DAPK2: variants seen among roughly 807,000 people sequenced by gnomAD.
The protein encoded by DAPK2 is death associated protein kinase 2.
A neutral mutation model predicts 44.1 loss-of-function variants in DAPK2; 35 were observed. That is an observed-to-expected ratio of 0.79 (90% CI 0.61 to 1.05). The LOEUF is 1.05. DAPK2 is among the 50% of genes least tolerant of loss of function. The pLI is 0.00. For missense variants in DAPK2, 453 were observed against 483.2 expected, an observed-to-expected ratio of 0.94 and a Z score of 0.59; for synonymous variants, 174 against 182.6, an observed-to-expected ratio of 0.95 and a Z score of 0.38.
chr15:63,911,528 C>T (rs73450754), intron 10 of DAPK2: 5,542 of 242,726 alleles, frequency 0.023, 110 homozygotes, highest in African/African-American at 0.059. Context: ...TGAAACAAAG[C>T]AGAAATAGAA....
chr15:64,021,368 C>A (rs2079677773), intron 1 of DAPK2, among the ~76,000 whole-genome samples: 1 of 152,166 alleles, frequency 6.6e-6, no homozygotes, highest in Admixed American at 6.5e-5. Flanking sequence ...CCCTGCCCCA[C>A]CCCCTCCAGA....
chr15:64,032,815 G>A (rs900265242), intron 1 of DAPK2, among the ~76,000 whole-genome samples: 3 of 152,098 alleles, frequency 2.0e-5, no homozygotes, highest in East Asian at 1.9e-4. Flanking sequence ...GGTGGGCGTG[G>A]TGGTTCATGA....
chr15:64,038,955 A>C (rs2080284127), intron 1 of DAPK2, among the ~76,000 whole-genome samples: 2 of 152,202 alleles, frequency 1.3e-5, no homozygotes, highest in Non-Finnish European at 2.9e-5. Flanking sequence ...ACTCAAAAGA[A>C]TGCAACCATC....
At chr15:63,933,943 T>C (rs2077053171) in intron 4 of DAPK2, among the ~76,000 whole-genome samples, 1 of 152,198 alleles carries the variant, frequency 6.6e-6, no homozygotes, top group South Asian at 2.1e-4. Flanking sequence ...CAGAACTCAC[T>C]TTCTCATGCC....
chr15:63,912,232 G>T lies in DAPK2; in HGVS notation c.859-35C>A, dbSNP rs1334807905. 6 of 1,605,042 alleles carry T rather than the reference G, an allele frequency of 3.7e-6. No homozygotes were observed. The highest frequency in any genetic ancestry group is 1.3e-5 in the African/African-American group (1 of 74,748). ...AAAGCAGAGCATGGCAGCTGATGCT[G>T]GGCTTCAGACAGCAGCCACCCTCCT... On this transcript the variant is annotated intron_variant, in intron 8 of 10. Transcript: ENST00000261891. This position sits in a 1 kb window ranked among gnomAD's most constrained non-coding sequence, Gnocchi z 4.4.
chr15:64,012,830 A>G (rs2079423545), intron 1 of DAPK2, among the ~76,000 whole-genome samples: 1 of 152,226 alleles, frequency 6.6e-6, no homozygotes, highest in Non-Finnish European at 1.5e-5. Context: ...GCACTATTTG[A>G]TTTTGTTATT....
At chr15:64,022,069 GGAAA>G (rs1369235635) in intron 1 of DAPK2, among the ~76,000 whole-genome samples, 2 of 152,126 alleles carry the variant, frequency 1.3e-5, no homozygotes, top group African/African-American at 4.8e-5. Flanking sequence ...CTTGCAAAGA[GGAAA>G]GCAGGGTAAC....
chr15:63,929,491 A>T (rs2140363096), intron 6 of DAPK2, 60 bp downstream of exon 7: 2 of 1,606,632 alleles, frequency 1.2e-6, no homozygotes, highest in East Asian at 4.5e-5. Context: ...CCCCTCTCTC[A>T]TTCCTTCTGG....
chr15:64,034,070 T>C (rs2080106802), intron 1 of DAPK2, among the ~76,000 whole-genome samples: 1 of 152,156 alleles, frequency 6.6e-6, no homozygotes, highest in African/African-American at 2.4e-5. Context: ...AAACATCTTT[T>C]TAATTTAAAA....
intron 1 of DAPK2, among the ~76,000 whole-genome samples, chr15:63,989,434 A>G (rs1330205658): frequency 1.3e-5 from 2 of 152,176 alleles, no homozygotes; most frequent in Admixed American, 6.5e-5. Context: ...GTGACTGGCA[A>G]TTGGGCCAGG....
chr15:64,041,917 C>G (rs1012111897), upstream of DAPK2, among the ~76,000 whole-genome samples: 9 of 152,240 alleles, frequency 5.9e-5, no homozygotes, highest in Non-Finnish European at 1.2e-4. Context: ...CCAGGGCTTA[C>G]TCTCGTGGTC....
rs2077817368 is a variant in DAPK2 at position 63,959,260 on chromosome 15, A to G, written c.453+12163T>C. Among the ~76,000 whole-genome samples the G allele has an allele frequency of 2.6e-5, 4 of 152,340 alleles. No individual in the cohort carries two copies. In the South Asian group the frequency reaches 8.3e-4, roughly 32 times the overall value. ...CAGCTTAAGGAGATTTTGGGCTGAG[A>G]TGATGGGGTTTTCTAAATATACAAT... On this transcript the variant is annotated intron_variant, in intron 3 of 10. Coordinates refer to ENST00000261891, the Ensembl canonical transcript of DAPK2.
At chr15:63,948,903 C>T (rs2077519045) in intron 3 of DAPK2, among the ~76,000 whole-genome samples, 1 of 152,174 alleles carries the variant, frequency 6.6e-6, no homozygotes, top group Non-Finnish European at 1.5e-5. Flanking sequence ...AACCAAGGCA[C>T]AAGAGATCGT....
At chr15:64,045,260 A>C (rs888617387), upstream of DAPK2, among the ~76,000 whole-genome samples, 1 of 152,204 alleles carries the variant, frequency 6.6e-6, no homozygotes, top group Non-Finnish European at 1.5e-5. Flanking sequence ...AAGGTGCTGA[A>C]TCATCAGTGG....
intron 8 of DAPK2, chr15:63,922,699 A>G (rs1249456431): frequency 3.4e-6 from 5 of 1,479,734 alleles, no homozygotes. Context: ...GCTTCTGCAA[A>G]CCTCTTGGGA....
chr15:63,965,720 C>A (rs1330998357), intron 3 of DAPK2, among the ~76,000 whole-genome samples: 1 of 152,230 alleles, frequency 6.6e-6, no homozygotes, highest in Admixed American at 6.5e-5. Context: ...GGCATCTCCC[C>A]CCATGGCCCC....
At position 64,014,281 on chromosome 15, in the gene DAPK2, G is replaced by A. The variant is rs1373990649; in HGVS notation, c.92+25889C>T. Among the ~76,000 whole-genome samples, 3 of 152,354 alleles carry A rather than the reference G, an allele frequency of 2.0e-5. No individual in the cohort carries two copies. The East Asian group carries it at 5.8e-4, about 29-fold the overall frequency. On this transcript the variant is annotated intron_variant, in intron 1 of 10. Coordinates refer to ENST00000261891, the Ensembl canonical transcript of DAPK2. Reference sequence around the variant, plus strand: ...TGGCCACAAGGAGAACATTTATGTTGGTCCAGGCCCTGGCCTTATCAGACA... The same window carrying A: ...TGGCCACAAGGAGAACATTTATGTTAGTCCAGGCCCTGGCCTTATCAGACA...
intron 3 of DAPK2, among the ~76,000 whole-genome samples, chr15:63,940,140 C>G (rs2077268396): frequency 6.6e-6 from 1 of 152,206 alleles, no homozygotes; most frequent in African/African-American, 2.4e-5. Context: ...CTTCTCACTC[C>G]CACCCAACCA....
At chr15:63,995,759 G>C (rs1388780617) in intron 1 of DAPK2, among the ~76,000 whole-genome samples, 1 of 152,244 alleles carries the variant, frequency 6.6e-6, no homozygotes, top group Non-Finnish European at 1.5e-5. Context: ...AGGAAGGCAT[G>C]GCATTGGAGG....
Sources: allele counts gnomAD v4.1 joint callset (sites outside exome capture counted in the v4.1 genomes callset), GRCh38; gene constraint gnomAD v4.1.1; non-coding constraint Gnocchi (gnomAD v3.1); transcripts MANE v1.5; gene names NCBI Gene and HGNC (gene_info 2026-07-23, HGNC 2026-07-21).